Variants in NEBL observed in about 807,000 individuals in gnomAD.
NEBL encodes LIM and SH3 protein 2.
In NEBL, 122 loss-of-function variants were observed where a neutral mutation model predicts 140.2. That is an observed-to-expected ratio of 0.87 (90% CI 0.75 to 1.01). NEBL has a LOEUF of 1.01. Among genes scored for constraint, NEBL ranks in the 50% least tolerant of loss-of-function variants. The pLI, the probability that NEBL is intolerant of heterozygous loss-of-function variation, is 0.00. For missense variants in NEBL, 1,365 were observed against 1,231.3 expected, an observed-to-expected ratio of 1.11 and a Z score of -1.62; for synonymous variants, 436 against 398.9, an observed-to-expected ratio of 1.09 and a Z score of -1.11.
chr10:21,252,645 T>A (rs1293312618), intron 1 of NEBL, among the ~76,000 whole-genome samples: 1 of 152,098 alleles, frequency 6.6e-6, no homozygotes, highest in African/African-American at 2.4e-5. Flanking sequence ...ACAAGTAGAA[T>A]ATCTTGCCTA....
intron 2 of NEBL, among the ~76,000 whole-genome samples, chr10:21,072,886 G>T (rs780636821): frequency 1.1e-4 from 17 of 152,212 alleles, no homozygotes; most frequent in Non-Finnish European, 2.5e-4. Context: ...AGCTACTTGG[G>T]AGGCTGAGGC....
intron 2 of NEBL, among the ~76,000 whole-genome samples, chr10:21,129,842 C>G (rs1839017616): frequency 2.6e-5 from 4 of 151,776 alleles, no homozygotes; most frequent in African/African-American, 9.7e-5. Flanking sequence ...AACGAAAGAA[C>G]AAGGGCAAAA....
chr10:20,935,151 T>C (rs1334777327), intron 4 of NEBL, among the ~76,000 whole-genome samples: 3 of 152,112 alleles, frequency 2.0e-5, no homozygotes, highest in African/African-American at 7.2e-5. Context: ...ATTCAATCAG[T>C]CCTTCAACAC....
intron 2 of NEBL, among the ~76,000 whole-genome samples, chr10:21,165,245 A>G (rs1033230636): frequency 1.2e-4 from 19 of 152,224 alleles, no homozygotes; most frequent in Non-Finnish European, 2.6e-4. Flanking sequence ...ATTCATAAGA[A>G]ATGTTTTTAG....
At chr10:21,277,672 A>G (rs1270160824) in intron 1 of NEBL, among the ~76,000 whole-genome samples, 2 of 152,178 alleles carry the variant, frequency 1.3e-5, no homozygotes, top group African/African-American at 2.4e-5. Context: ...ACTGTGACCA[A>G]TTGTCATTCC....
At chr10:20,852,904 A>C (rs1271721528) in intron 9 of NEBL, among the ~76,000 whole-genome samples, 1 of 152,244 alleles carries the variant, frequency 6.6e-6, no homozygotes, top group Admixed American at 6.5e-5. Context: ...CATAATGTAA[A>C]GGATATTCAC....
intron 1 of NEBL, among the ~76,000 whole-genome samples, chr10:21,284,210 CAAAAAAAAAAAAA>C (rs35693200): frequency 1.6e-4 from 6 of 37,192 alleles, no homozygotes; most frequent in Non-Finnish European, 1.3e-4. Context: ...ACTCCGTCTC[CAAAAAAAAAAAAA>C]AAAAAAAAAA....
chr10:21,088,692 C>A (rs1394687976), intron 2 of NEBL, among the ~76,000 whole-genome samples: 1 of 152,270 alleles, frequency 6.6e-6, no homozygotes, highest in Non-Finnish European at 1.5e-5. Flanking sequence ...ACATTAGCAG[C>A]AAAGAATAGT....
At chr10:21,179,073 G>A (rs1333615493), upstream of NEBL, among the ~76,000 whole-genome samples, 1 of 152,210 alleles carries the variant, frequency 6.6e-6, no homozygotes, top group Non-Finnish European at 1.5e-5. Context: ...GGAGGATCCA[G>A]TGTAATCACA....
At chr10:21,057,542 C>CT (rs5783764) in intron 2 of NEBL, among the ~76,000 whole-genome samples, 46,739 of 72,586 alleles carry the variant, frequency 0.64, 15,905 homozygotes, top group Non-Finnish European at 0.72. Context: ...AATGAAATTC[C>CT]TTTTTTTTTT....
intron 1 of NEBL, among the ~76,000 whole-genome samples, chr10:21,286,850 A>G (rs1193690722): frequency 6.6e-6 from 1 of 152,278 alleles, no homozygotes; most frequent in East Asian, 1.9e-4. Context: ...GAAAAAAAAA[A>G]AAAGCAGACT....
At position 20,970,955 on chromosome 10, in the gene NEBL, A is replaced by C. The variant is rs113896048; in HGVS notation, c.250-9176T>G. Among the ~76,000 whole-genome samples, 149 of 152,344 alleles carry C rather than the reference A, an allele frequency of 9.8e-4. 1 individual carries two copies. Among genetic ancestry groups the C allele is most frequent in the African/African-American group, 3.5e-3 (147 of 41,574 alleles). On this transcript the variant is annotated intron_variant, in intron 3 of 6. Transcript: ENST00000417816. ...GTAAATAAGCAGAAGTGAAAGTGGA[A>C]CCAATTGAATATTTCTTAGTATAGG... is the stretch of plus-strand genomic sequence containing the variant.
At position 21,211,968 on chromosome 10, in the gene NEBL, T is replaced by C. The variant is rs376703571; in HGVS notation, n.348+35953A>G. The stretch of plus-strand genomic sequence containing the variant: ...CTCTTATGTAATGCTAGTAAATACA[T>C]TTCAGGGTTTTAAATCACTCAATTC... On this transcript the variant is annotated intron_variant and non_coding_transcript_variant, in intron 3 of 8. Transcript: ENST00000675702. 1.0e-3 allele frequency among the ~76,000 whole-genome samples: 156 copies of C among 152,016 alleles called. 1 individual carries two copies. Among genetic ancestry groups the C allele is most frequent in the Admixed American group, 1.2e-3 (19 of 15,246 alleles).
intron 26 of NEBL, among the ~76,000 whole-genome samples, chr10:20,792,182 G>A (rs189857420): frequency 1.7e-4 from 25 of 150,580 alleles, no homozygotes; most frequent in African/African-American, 5.6e-4. Context: ...TTTAACTATA[G>A]ATGTAATGTG....
chr10:21,228,911 G>A (rs1170692838), intron 3 of NEBL, among the ~76,000 whole-genome samples: 3 of 152,096 alleles, frequency 2.0e-5, no homozygotes, highest in African/African-American at 7.2e-5. Context: ...CCCATGGGTT[G>A]AGGTGGAAGT....
rs995542623 is a variant in NEBL at position 20,781,821 on chromosome 10, G to T, written c.*3926C>A. The stretch of plus-strand genomic sequence containing the variant: ...CAGAGACTTTTATTTTAGCATCCTT[G>T]TCAGTTTACATAGCTTCTTACTTAA... On this transcript the variant is annotated 3_prime_UTR_variant, in exon 28 of 28. Transcript: ENST00000377122. The T allele has an allele frequency of 6.6e-6, 1 of 152,570 alleles. No homozygotes were observed. The highest frequency in any genetic ancestry group is 2.4e-5 in the African/African-American group (1 of 41,430). The allele number at this position is 152,570 out of a possible 1,614,324, so 9.5% of individuals were successfully genotyped here.
chr10:20,795,889 C>A (rs1194202179), intron 26 of NEBL, among the ~76,000 whole-genome samples: 1 of 152,100 alleles, frequency 6.6e-6, no homozygotes, highest in African/African-American at 2.4e-5. Flanking sequence ...GATTTTTAAC[C>A]ATTTTCTTCC....
At chr10:21,006,460 A>G (rs1463819285) in intron 3 of NEBL, among the ~76,000 whole-genome samples, 1 of 152,140 alleles carries the variant, frequency 6.6e-6, no homozygotes, top group East Asian at 1.9e-4. Flanking sequence ...GGAGTCCATA[A>G]TCTTTCTGTG....
intron 3 of NEBL, among the ~76,000 whole-genome samples, chr10:20,989,829 T>A (rs1282775464): frequency 6.6e-6 from 1 of 151,982 alleles, no homozygotes; most frequent in Non-Finnish European, 1.5e-5. Context: ...TCTGCAGAGG[T>A]TGGGGGGTGG....
Sources: allele counts gnomAD v4.1 joint callset (sites outside exome capture counted in the v4.1 genomes callset), GRCh38; gene constraint gnomAD v4.1.1; transcripts MANE v1.5; gene names NCBI Gene and HGNC (gene_info 2026-07-23, HGNC 2026-07-21).